The following CCSER1 variants were observed in gnomAD, a reference collection of about 807,000 sequenced individuals.
CCSER1 encodes serine-rich coiled-coil domain-containing protein 1.
A neutral mutation model predicts 82.0 loss-of-function variants in CCSER1; 41 were observed. The observed-to-expected ratio is 0.50, with a 90% CI of 0.39 to 0.65. The LOEUF is 0.65. Among genes scored for constraint, CCSER1 ranks in the 30% least tolerant of loss-of-function variants. The pLI is 0.00. For synonymous variants in CCSER1, 414 were observed against 383.9 expected, an observed-to-expected ratio of 1.08 and a Z score of -0.92; for missense variants, 1,119 against 1,064.2, an observed-to-expected ratio of 1.05 and a Z score of -0.72.
At chr4:91,186,892 C>G (rs1734592722) in intron 10 of CCSER1, among the ~76,000 whole-genome samples, 1 of 152,210 alleles carries the variant, frequency 6.6e-6, no homozygotes, top group South Asian at 2.1e-4. Context: ...TCCTTGCCCT[C>G]ATTCCTGTAA....
At chr4:90,755,636 A>G (rs1349925466) in intron 7 of CCSER1, among the ~76,000 whole-genome samples, 1 of 152,236 alleles carries the variant, frequency 6.6e-6, no homozygotes, top group Non-Finnish European at 1.5e-5. Context: ...GACAAATTGC[A>G]TACTTAACTT....
intron 8 of CCSER1, among the ~76,000 whole-genome samples, chr4:90,861,759 G>A (rs2149987959): frequency 6.6e-6 from 1 of 151,540 alleles, no homozygotes; most frequent in African/African-American, 2.4e-5. Context: ...TGTCTCATTT[G>A]ACCCTTACAA....
intron 10 of CCSER1, among the ~76,000 whole-genome samples, chr4:91,414,020 G>C (rs151250009): frequency 6.6e-6 from 1 of 152,108 alleles, no homozygotes; most frequent in Non-Finnish European, 1.5e-5. Context: ...CACCAGGAAA[G>C]CTGTCACAAG....
At chr4:90,246,366 T>C (rs542203639) in intron 1 of CCSER1, among the ~76,000 whole-genome samples, 23 of 152,306 alleles carry the variant, frequency 1.5e-4, no homozygotes, top group African/African-American at 4.1e-4. Context: ...TCTGTACTTA[T>C]CATTTTTAGT....
intron 5 of CCSER1, among the ~76,000 whole-genome samples, chr4:90,558,333 A>G (rs987444102): frequency 1.3e-5 from 2 of 152,198 alleles, no homozygotes; most frequent in African/African-American, 2.4e-5. Flanking sequence ...AAATTAACAT[A>G]TAGAAATAAT....
intron 10 of CCSER1, among the ~76,000 whole-genome samples, chr4:91,343,777 A>T (rs938595414): frequency 3.3e-5 from 5 of 152,096 alleles, no homozygotes; most frequent in African/African-American, 1.2e-4. Flanking sequence ...AGACAATACG[A>T]TCTATGTAAA....
intron 7 of CCSER1, among the ~76,000 whole-genome samples, chr4:90,776,147 A>G (rs891427783): frequency 6.6e-6 from 1 of 152,180 alleles, no homozygotes; most frequent in Non-Finnish European, 1.5e-5. Flanking sequence ...AAACAATTGT[A>G]CTGTATGAGG....
chr4:90,231,343 G>A lies in CCSER1; in HGVS notation c.-41-76901G>A, dbSNP rs1292361301. ...TACGCAAATCAATAAATGTAATCCA[G>A]CATATAAACAGAACCAAAGACAAAA... On this transcript the variant is annotated intron_variant, in intron 1 of 10. Coordinates refer to ENST00000509176, the MANE Select transcript of CCSER1 (RefSeq NM_001145065.2). Among the ~76,000 whole-genome samples the A allele has an allele frequency of 5.3e-5, 8 of 152,006 alleles. No individual in the cohort carries two copies. In the South Asian group the frequency reaches 1.7e-3, roughly 32 times the overall value.
intron 8 of CCSER1, among the ~76,000 whole-genome samples, chr4:90,865,598 C>T (rs75976191): frequency 0.016 from 2,473 of 152,090 alleles, 70 homozygotes; most frequent in African/African-American, 0.054. Context: ...ATACATACAT[C>T]AGTAAAGTAA....
At chr4:90,546,749 A>C (rs17232612) in intron 5 of CCSER1, among the ~76,000 whole-genome samples, 4,990 of 152,206 alleles carry the variant, frequency 0.033, 111 homozygotes, top group South Asian at 0.096. Context: ...AGAGCTTAGC[A>C]TCCCCTAAAT....
Position 90,156,122 on chromosome 4 carries a change from C to T in CCSER1, c.-42+28291C>T, listed in dbSNP as rs557154964. On this transcript the variant is annotated intron_variant, in intron 1 of 10. Coordinates refer to ENST00000509176, the MANE Select transcript of CCSER1 (RefSeq NM_001145065.2). ...AACATCTTTATTTCTGCCTTCATTT[C>T]GTTATGTACCCAGTAGTCATTCAGG... Among the ~76,000 whole-genome samples, 1,190 of 152,204 alleles carry T rather than the reference C, an allele frequency of 7.8e-3. 16 individuals carry two copies. The highest frequency in any genetic ancestry group is 0.027 in the African/African-American group (1,140 of 41,506).
At chr4:91,303,823 C>T (rs1205374855) in intron 10 of CCSER1, among the ~76,000 whole-genome samples, 1 of 151,720 alleles carries the variant, frequency 6.6e-6, no homozygotes, top group Admixed American at 6.6e-5. Context: ...AACAACAAAA[C>T]AACAAAACTA....
At chr4:91,207,485 G>A (rs1736444279) in intron 10 of CCSER1, among the ~76,000 whole-genome samples, 1 of 151,746 alleles carries the variant, frequency 6.6e-6, no homozygotes, top group African/African-American at 2.4e-5. Context: ...ATGGTATTTG[G>A]TTTTCTCTTC....
chr4:91,544,373 A>C (rs1231558036), intron 10 of CCSER1, among the ~76,000 whole-genome samples: 1 of 152,140 alleles, frequency 6.6e-6, no homozygotes, highest in African/African-American at 2.4e-5. Context: ...TCCCTTTGGA[A>C]GAGAAGAGAT....
At chr4:91,121,026 A>C (rs944798002) in intron 10 of CCSER1, among the ~76,000 whole-genome samples, 1 of 151,980 alleles carries the variant, frequency 6.6e-6, no homozygotes, top group East Asian at 1.9e-4. Flanking sequence ...ATAGAAATGG[A>C]TGTTTAATAA....
In CCSER1 at chr4:90,745,301, C is replaced by A. The variant is rs1353427578; in HGVS notation, c.2010+21310C>A. 2.0e-5 allele frequency among the ~76,000 whole-genome samples: 3 copies of A among 152,290 alleles called. No homozygotes were observed. In the East Asian group the frequency reaches 5.8e-4, roughly 29 times the overall value. On this transcript the variant is annotated intron_variant, in intron 7 of 10. Transcript: ENST00000509176. ...ATGCTGCATCTCTCTGATTCTGAGT[C>A]ATCTTCTGTCTCCCATTTTTGACAT...
At chr4:90,717,624 T>C (rs538886395) in intron 6 of CCSER1, among the ~76,000 whole-genome samples, 233 of 152,136 alleles carry the variant, frequency 1.5e-3, no homozygotes, top group South Asian at 3.3e-3. Flanking sequence ...GCACCCTGGA[T>C]TGGAGGAGTC....
chr4:91,415,865 G>C (rs1220700541), intron 10 of CCSER1, among the ~76,000 whole-genome samples: 3 of 151,970 alleles, frequency 2.0e-5, no homozygotes, highest in Non-Finnish European at 4.4e-5. Flanking sequence ...TTGGCCTGAA[G>C]TTTTATTATT....
At chr4:90,870,076 A>G (rs1484668089) in intron 8 of CCSER1, among the ~76,000 whole-genome samples, 4 of 151,770 alleles carry the variant, frequency 2.6e-5, no homozygotes, top group African/African-American at 4.8e-5. Context: ...TGAGTTTATC[A>G]GTTTGATTGT....
Sources: gnomAD v4.1 joint callset for allele counts (sites outside exome capture counted in the v4.1 genomes callset) on GRCh38, gnomAD v4.1.1 for gene constraint, MANE v1.5 for transcripts, NCBI Gene and HGNC (gene_info 2026-07-23, HGNC 2026-07-21) for gene names.